The following CCDC91 variants were observed in gnomAD, a reference collection of about 807,000 sequenced individuals.
CCDC91 encodes coiled-coil domain-containing protein 91.
Under a neutral mutation model 63.2 loss-of-function variants are expected in CCDC91, and 48 were observed. The observed-to-expected ratio is 0.76, with a 90% CI of 0.60 to 0.97. CCDC91 has a LOEUF of 0.97. Among genes scored for constraint, CCDC91 ranks in the 50% least tolerant of loss-of-function variants. The pLI, the probability that CCDC91 is intolerant of heterozygous loss-of-function variation, is 0.00. For missense variants in CCDC91, 500 were observed against 494.6 expected, an observed-to-expected ratio of 1.01 and a Z score of -0.10; for synonymous variants, 167 against 165.8, an observed-to-expected ratio of 1.01 and a Z score of -0.06.
At chr12:28,427,760 C>T (rs1028182446) in intron 8 of CCDC91, among the ~76,000 whole-genome samples, 9 of 152,028 alleles carry the variant, frequency 5.9e-5, no homozygotes, top group Non-Finnish European at 8.8e-5. Flanking sequence ...TAGTTTGTTC[C>T]GTTTTTTTCT....
intron 3 of CCDC91, among the ~76,000 whole-genome samples, chr12:28,267,995 T>G (rs1449632708): frequency 8.2e-6 from 1 of 121,954 alleles, no homozygotes; most frequent in Non-Finnish European, 1.6e-5. Flanking sequence ...CTTAATTATA[T>G]AATACTTAAT....
At chr12:28,479,033 A>G (rs1262400839) in intron 11 of CCDC91, among the ~76,000 whole-genome samples, 1 of 152,138 alleles carries the variant, frequency 6.6e-6, no homozygotes, top group Non-Finnish European at 1.5e-5. Context: ...AATTAGTTCA[A>G]CCATCGTGGA....
chr12:28,230,106 A>G (rs1346268338), intron 1 of CCDC91, among the ~76,000 whole-genome samples: 2 of 152,196 alleles, frequency 1.3e-5, no homozygotes, highest in Non-Finnish European at 2.9e-5. Context: ...TGGAAATCTC[A>G]GTGTATTTTG....
chr12:28,369,649 C>T (rs1417611189), intron 7 of CCDC91, among the ~76,000 whole-genome samples: 1 of 152,242 alleles, frequency 6.6e-6, no homozygotes, highest in African/African-American at 2.4e-5. Context: ...TCCTTCTGCA[C>T]TCCCCTAGTA....
chr12:28,259,315 C>A, intron 2 of CCDC91, 49 bp from the exon 3 acceptor site: 2 of 1,348,708 alleles, frequency 1.5e-6, no homozygotes, highest in Non-Finnish European at 2.1e-6. Flanking sequence ...ACTTAAATAG[C>A]ATTTCTGCTT....
intron 12 of CCDC91, among the ~76,000 whole-genome samples, chr12:28,528,613 G>A (rs1358376044): frequency 1.3e-5 from 2 of 152,108 alleles, no homozygotes; most frequent in South Asian, 2.1e-4. Flanking sequence ...TGTTCTGTAC[G>A]TCCAAGTGGG....
chr12:28,326,873 A>G (rs1166381592), intron 6 of CCDC91, among the ~76,000 whole-genome samples: 3 of 152,134 alleles, frequency 2.0e-5, no homozygotes, highest in South Asian at 2.1e-4. Context: ...ACAAAACTGA[A>G]GGTGAACAAC....
rs112540649 is a variant in CCDC91 at position 28,228,247 on chromosome 12, C to T, written c.-14-28955C>T. On this transcript the variant is annotated intron_variant, in intron 1 of 12. Transcript: ENST00000536442. ...CCAGGAATGTGCTTATCTTTTTTGACGAACAGGAAAACTGGCTTTTACTTA... is the reference window on the plus strand; with the variant it reads ...CCAGGAATGTGCTTATCTTTTTTGATGAACAGGAAAACTGGCTTTTACTTA... 8.5e-3 allele frequency among the ~76,000 whole-genome samples: 1,295 copies of T among 152,064 alleles called. 9 individuals carry two copies. Among genetic ancestry groups the T allele is most frequent in the South Asian group, 0.018 (89 of 4,826 alleles).
chr12:28,324,057 G>A (rs1046761454), intron 6 of CCDC91, among the ~76,000 whole-genome samples: 2 of 151,870 alleles, frequency 1.3e-5, no homozygotes, highest in African/African-American at 4.8e-5. Flanking sequence ...ATGAGATGGA[G>A]TTAGAGAGAC....
chr12:28,532,468 G>GT (rs1941819334), intron 12 of CCDC91, among the ~76,000 whole-genome samples: 1 of 151,992 alleles, frequency 6.6e-6, no homozygotes, highest in South Asian at 2.1e-4. Flanking sequence ...TTTCAGAGAA[G>GT]TAAATAGATG....
chr12:28,480,607 GT>G (rs1168553862), intron 11 of CCDC91, among the ~76,000 whole-genome samples: 1 of 151,914 alleles, frequency 6.6e-6, no homozygotes, highest in Non-Finnish European at 1.5e-5. Flanking sequence ...TGCACCTCTA[GT>G]TTATCACTCA....
At chr12:28,441,709 T>C (rs1011535722) in intron 8 of CCDC91, among the ~76,000 whole-genome samples, 32 of 97,124 alleles carry the variant, frequency 3.3e-4, no homozygotes, top group Admixed American at 1.0e-3. Flanking sequence ...CTCTCTCATA[T>C]ATATATCTCA....
chr12:28,394,907 C>T (rs571605597), intron 8 of CCDC91, among the ~76,000 whole-genome samples: 1 of 152,198 alleles, frequency 6.6e-6, no homozygotes, highest in South Asian at 2.1e-4. Context: ...TAATTACTAC[C>T]TCATAGTACT....
intron 8 of CCDC91, among the ~76,000 whole-genome samples, chr12:28,394,992 G>A (rs1946201610): frequency 6.6e-6 from 1 of 152,100 alleles, no homozygotes; most frequent in African/African-American, 2.4e-5. Context: ...GTGTTTATTG[G>A]CTGCATTATC....
At chr12:28,452,365 G>C (rs1206138151) in intron 10 of CCDC91, 113 bp from the exon 11 acceptor site, 1 of 626,052 alleles carries the variant, frequency 1.6e-6, no homozygotes, top group African/African-American at 1.9e-5. Context: ...AGCAATGTTA[G>C]AACTAAACAC....
chr12:28,220,801 CTTTTATTCTTATTTT>C (rs1228552329), intron 1 of CCDC91, among the ~76,000 whole-genome samples: 2 of 152,002 alleles, frequency 1.3e-5, no homozygotes, highest in Non-Finnish European at 2.9e-5. Flanking sequence ...AATAAGCCTA[CTTTTATTCTTATTTT>C]AGTTCTTTTG....
intron 8 of CCDC91, among the ~76,000 whole-genome samples, chr12:28,404,935 T>C (rs1191389177): frequency 6.6e-6 from 1 of 152,080 alleles, no homozygotes; most frequent in Non-Finnish European, 1.5e-5. Flanking sequence ...TTTTTTGCTC[T>C]ATTATATTTC....
At chr12:28,329,244 G>A (rs1225167093) in intron 6 of CCDC91, among the ~76,000 whole-genome samples, 7 of 152,120 alleles carry the variant, frequency 4.6e-5, no homozygotes, top group African/African-American at 7.2e-5. Context: ...AGGTGTTTGG[G>A]TTGGATTTTA....
At chr12:28,363,275 AT>A (rs977262401) in intron 7 of CCDC91, among the ~76,000 whole-genome samples, 5 of 152,150 alleles carry the variant, frequency 3.3e-5, no homozygotes, top group African/African-American at 7.2e-5. Flanking sequence ...ATTAAAAAAA[AT>A]GTTATCTTAC....
Sources: allele counts gnomAD v4.1 joint callset (sites outside exome capture counted in the v4.1 genomes callset), GRCh38; gene constraint gnomAD v4.1.1; transcripts MANE v1.5; gene names NCBI Gene and HGNC (gene_info 2026-07-23, HGNC 2026-07-21).